KCND3: variants seen among roughly 807,000 people sequenced by gnomAD.
The protein encoded by KCND3 is A-type voltage-gated potassium channel KCND3.
Under a neutral mutation model 51.1 loss-of-function variants are expected in KCND3, and 9 were observed. The observed-to-expected ratio is 0.18, with a 90% CI of 0.11 to 0.31. The LOEUF is 0.31. Among genes scored for constraint, KCND3 ranks in the 10% least tolerant of loss-of-function variants. The pLI, the probability that KCND3 is intolerant of heterozygous loss-of-function variation, is 1.00. For synonymous variants in KCND3, 349 were observed against 368.0 expected (o/e 0.95, Z 0.59); for missense variants, 526 against 903.8 (o/e 0.58, Z 5.36).
intron 2 of KCND3, among the ~76,000 whole-genome samples, chr1:111,831,302 A>G (rs529706590): frequency 2.6e-5 from 4 of 152,290 alleles, no homozygotes; most frequent in African/African-American, 9.6e-5. Flanking sequence ...GTAATCCCCA[A>G]TGTCAGAGGA....
rs557842675 is a variant in KCND3, at chr1:111,908,132, A to T, written c.1106+73489T>A. 3.3e-5 allele frequency among the ~76,000 whole-genome samples: 5 copies of T among 151,998 alleles called. No homozygotes were observed. In the South Asian group the frequency reaches 1.0e-3, roughly 32 times the overall value. The stretch of plus-strand genomic sequence containing the variant: ...AAACACTCTGAGGGTTTTAAGAGTC[A>T]CTCTCCTCCTTTCTCCCCTTGGATA... On this transcript the variant is annotated intron_variant, in intron 2 of 7. Transcript: ENST00000302127.
intron 2 of KCND3, among the ~76,000 whole-genome samples, chr1:111,914,279 A>T (rs932675504): frequency 7.9e-5 from 12 of 151,698 alleles, no homozygotes; most frequent in African/African-American, 2.9e-4. Context: ...GATTAAAAAA[A>T]AAAAAAACCC....
At chr1:111,931,973 G>A (rs759574925) in intron 2 of KCND3, among the ~76,000 whole-genome samples, 16 of 152,318 alleles carry the variant, frequency 1.1e-4, no homozygotes, top group Non-Finnish European at 2.2e-4. Flanking sequence ...CACCACCAAC[G>A]TATACAGTTC....
chr1:111,812,009 C>T lies in KCND3; in HGVS notation c.1107-24903G>A, dbSNP rs150871967. On this transcript the variant is annotated intron_variant, in intron 2 of 7. Coordinates refer to ENST00000302127, the MANE Select transcript of KCND3 (RefSeq NM_001378969.1). ...GCAGTGCCACGCCGGGCACGTCAGC[C>T]TTCTGGAGGGTCAGTGTTCTCGTCT... Among the ~76,000 whole-genome samples the T allele has an allele frequency of 2.4e-3, 370 of 152,296 alleles. 3 individuals are homozygous for T. The highest frequency in any genetic ancestry group is 8.4e-3 in the African/African-American group (350 of 41,558).
At chr1:111,806,472 T>C (rs1276050825) in intron 2 of KCND3, among the ~76,000 whole-genome samples, 2 of 152,182 alleles carry the variant, frequency 1.3e-5, no homozygotes, top group African/African-American at 4.8e-5. Flanking sequence ...TGGGGACCAT[T>C]TGATTGGGTT....
chr1:111,900,349 A>T (rs1670328477), intron 2 of KCND3, among the ~76,000 whole-genome samples: 1 of 152,188 alleles, frequency 6.6e-6, no homozygotes, highest in Non-Finnish European at 1.5e-5. Context: ...TTCAGGTACT[A>T]GTGACAAGTG....
At chr1:111,972,701 T>C (rs761530311) in intron 2 of KCND3, among the ~76,000 whole-genome samples, 4 of 152,238 alleles carry the variant, frequency 2.6e-5, no homozygotes. Context: ...TGCCCCATTC[T>C]CTCTTGTACA....
chr1:111,806,260 TC>T (rs1269903348), intron 2 of KCND3, among the ~76,000 whole-genome samples: 1 of 152,208 alleles, frequency 6.6e-6, no homozygotes, highest in African/African-American at 2.4e-5. Flanking sequence ...GCCTGCTGTT[TC>T]CCCTGGGGAC....
intron 2 of KCND3, among the ~76,000 whole-genome samples, chr1:111,912,784 T>C (rs182296949): frequency 1.3e-5 from 2 of 152,306 alleles, no homozygotes; most frequent in East Asian, 1.9e-4. Flanking sequence ...GAAAAACTTA[T>C]ATAGAGTACG....
Position 111,776,243 on chromosome 1 carries a change from A to C in KCND3, c.1802T>G (p.Leu601Arg), listed in dbSNP as rs375391961. Reference sequence around the variant, plus strand: ...CTGGGATGTTTTGCAGTTTGGTCTCAGTCCGTCGTCTGCTTTCAAATTAAG... The same window carrying C: ...CTGGGATGTTTTGCAGTTTGGTCTCCGTCCGTCGTCTGCTTTCAAATTAAG... ...SSLNLKADDG[L>R]RPNCKTSQIT... The change falls in exon 8 of 8, where the codon CTG becomes CGG. Residue 601 changes from leucine to arginine, a missense_variant. Physicochemically the swap from Leu to Arg is moderately radical, Grantham distance 102. This residue lies in a region of KCND3 where 266 missense variants were observed against 305.5 expected (regional missense o/e 0.87). Transcript: ENST00000302127. The C allele has an allele frequency of 6.2e-7, 1 of 1,614,066 alleles. No individual in the cohort carries two copies. The highest frequency in any genetic ancestry group is 1.3e-5 in the African/African-American group (1 of 74,922).
intron 2 of KCND3, among the ~76,000 whole-genome samples, chr1:111,966,683 C>T (rs143428356): frequency 4.7e-4 from 71 of 152,306 alleles, no homozygotes; most frequent in African/African-American, 1.7e-3. Flanking sequence ...AATGACTTCC[C>T]TGATCTGAGT....
chr1:111,829,333 C>T (rs1450228053), intron 2 of KCND3, among the ~76,000 whole-genome samples: 6 of 152,068 alleles, frequency 3.9e-5, no homozygotes, highest in Non-Finnish European at 7.3e-5. Context: ...GCCTTCCAGA[C>T]AGAAGAAATG....
intron 2 of KCND3, among the ~76,000 whole-genome samples, chr1:111,911,126 A>G (rs151280679): frequency 6.0e-4 from 92 of 152,306 alleles, no homozygotes; most frequent in African/African-American, 2.2e-3. Context: ...TCTGACTAAG[A>G]TGGGTTCCTA....
At chr1:111,867,439 T>C (rs1045123763) in intron 2 of KCND3, among the ~76,000 whole-genome samples, 5 of 152,340 alleles carry the variant, frequency 3.3e-5, no homozygotes, top group African/African-American at 1.2e-4. Flanking sequence ...ATTTTCTGAA[T>C]ATGCAGAGCA....
rs561975555 is a variant in KCND3 at position 111,805,079 on chromosome 1, C to T, written c.1107-17973G>A. 2.5e-3 allele frequency among the ~76,000 whole-genome samples: 376 copies of T among 152,316 alleles called. 2 individuals are homozygous for T. The highest frequency in any genetic ancestry group is 8.8e-3 in the African/African-American group (365 of 41,562). On this transcript the variant is annotated intron_variant, in intron 2 of 7. Coordinates refer to ENST00000302127, the MANE Select transcript of KCND3 (RefSeq NM_001378969.1). The stretch of plus-strand genomic sequence containing the variant: ...ACATAAAGGGCAGGGGACTTCTTGG[C>T]TACAAAGCAGAGCCAGGTGGCATGG...
At position 111,787,055 on chromosome 1, in the gene KCND3, G is replaced by A. The variant is rs1335118928; in HGVS notation, c.1158C>T (p.Ile386=). The A allele has an allele frequency of 5.6e-6, 9 of 1,614,120 alleles. No homozygotes were observed. In the African/African-American group the frequency reaches 1.1e-4, roughly 19 times the overall value. Residue 386 remains isoleucine (I), a synonymous_variant, in exon 3 of 8, where the codon ATC becomes ATT. Coordinates refer to ENST00000302127, the MANE Select transcript of KCND3 (RefSeq NM_001378969.1). ...KTIAGKIFGS[I]CSLSGVLVIA... is the part of the protein sequence containing the mutation. Reference sequence around the variant, plus strand: ...TGACCAGGACGCCACTCAAGGAGCAGATGGAGCCGAAGATCTTCCCTGCAA... The same window carrying A: ...TGACCAGGACGCCACTCAAGGAGCAAATGGAGCCGAAGATCTTCCCTGCAA...
chr1:111,893,368 C>T (rs1169634119), intron 2 of KCND3, among the ~76,000 whole-genome samples: 3 of 151,958 alleles, frequency 2.0e-5, no homozygotes, highest in Non-Finnish European at 4.4e-5. Flanking sequence ...AGGGTGGGGG[C>T]AGGGAGAAGG....
At chr1:111,779,712 G>T (rs543006008) in intron 5 of KCND3, among the ~76,000 whole-genome samples, 5 of 151,928 alleles carry the variant, frequency 3.3e-5, no homozygotes, top group East Asian at 1.9e-4. Context: ...GGGTGGGGGT[G>T]GGGGGGCGGT....
At position 111,773,761 on chromosome 1, in the gene KCND3, A is replaced by C. The variant is rs1271596583; in HGVS notation, c.*2316T>G. 1 of 152,068 alleles carries C rather than the reference A, an allele frequency of 6.6e-6. No homozygotes were observed. The highest frequency in any genetic ancestry group is 2.4e-5 in the African/African-American group (1 of 41,404). The allele number at this position is 152,068 out of a possible 1,614,324, so 9.4% of individuals were successfully genotyped here. ...TCTCTTACCCCAGTCAGATCTTATG[A>C]AGCATAACTAAGATACTTAGACACT... On this transcript the variant is annotated 3_prime_UTR_variant, in exon 8 of 8. Transcript: ENST00000302127.
Sources: gnomAD v4.1 joint callset for allele counts (sites outside exome capture counted in the v4.1 genomes callset) on GRCh38, gnomAD v4.1.1 for gene constraint, gnomAD v4.1.1 regional missense constraint, MANE v1.5 for transcripts, NCBI Gene and HGNC (gene_info 2026-07-23, HGNC 2026-07-21) for gene names.